Variants in WDFY3 observed in about 807,000 individuals in gnomAD.
WDFY3 encodes WD repeat and FYVE domain containing 3.
In WDFY3, 66 loss-of-function variants were observed where a neutral mutation model predicts 409.6. That is an observed-to-expected ratio of 0.16 (90% CI 0.13 to 0.20). WDFY3 has a LOEUF of 0.20. Among genes scored for constraint, WDFY3 ranks in the 10% least tolerant of loss-of-function variants. The pLI is 1.00. For synonymous variants in WDFY3, 1,521 were observed against 1,537.1 expected (o/e 0.99, Z 0.25); for missense variants, 3,031 against 4,298.1 (o/e 0.71, Z 8.24).
chr4:84,691,682 A>C lies in WDFY3; in HGVS notation c.9153T>G (p.Ala3051=). Residue 3051 remains alanine (A), a synonymous_variant, in exon 60 of 68, where the codon GCT becomes GCG. Coordinates refer to ENST00000295888, the MANE Select transcript of WDFY3 (RefSeq NM_014991.6). ...LIPPTWNKTF[A]WGYADLSCRL... is the part of the protein sequence containing the mutation. ...TGCAACTGAGGTCTGCATAGCCCCAAGCAAAAGTTTTATTCCAGGTTGGTG... is the reference window on the plus strand; with the variant it reads ...TGCAACTGAGGTCTGCATAGCCCCACGCAAAAGTTTTATTCCAGGTTGGTG... 2 of 1,614,146 alleles carry C rather than the reference A, an allele frequency of 1.2e-6. No individual in the cohort carries two copies. The highest frequency in any genetic ancestry group is 1.7e-6 in the Non-Finnish European group (2 of 1,180,020).
At chr4:84,689,710 C>A (rs1728932148) in intron 61 of WDFY3, among the ~76,000 whole-genome samples, 1 of 152,080 alleles carries the variant, frequency 6.6e-6, no homozygotes. Flanking sequence ...GTGTCTTGAC[C>A]ACTCTAACCT....
chr4:84,791,773 G>A (rs115646002), intron 21 of WDFY3, among the ~76,000 whole-genome samples: 49 of 152,212 alleles, frequency 3.2e-4, no homozygotes, highest in Middle Eastern at 3.4e-3. Flanking sequence ...AGACAACTTT[G>A]TCCCACGTAT....
intron 13 of WDFY3, 148 bp from the exon 14 acceptor site, chr4:84,810,492 A>G: frequency 1.6e-6 from 1 of 640,692 alleles, no homozygotes; most frequent in Non-Finnish European, 2.4e-6. Context: ...AAAGCATATC[A>G]AATAGTTTGC....
At chr4:84,690,818 G>A (rs1298128849) in intron 60 of WDFY3, among the ~76,000 whole-genome samples, 154 bp from the exon 61 acceptor site, 4 of 152,168 alleles carry the variant, frequency 2.6e-5, no homozygotes, top group African/African-American at 7.2e-5. Flanking sequence ...CATATCCACT[G>A]AATCTCTACC....
intron 29 of WDFY3, among the ~76,000 whole-genome samples, chr4:84,774,113 T>A (rs1745156787): frequency 6.6e-6 from 1 of 152,240 alleles, no homozygotes; most frequent in South Asian, 2.1e-4. Context: ...TGAGAATAAC[T>A]GAATAAATGG....
chr4:84,860,977 G>A (rs1034435431), intron 3 of WDFY3, among the ~76,000 whole-genome samples: 7 of 152,128 alleles, frequency 4.6e-5, no homozygotes, highest in Non-Finnish European at 8.8e-5. Flanking sequence ...TTTGGAGGCC[G>A]AGGCCGGTGA....
At chr4:84,853,894 A>C (rs1218805495) in intron 4 of WDFY3, among the ~76,000 whole-genome samples, 1 of 152,196 alleles carries the variant, frequency 6.6e-6, no homozygotes, top group Non-Finnish European at 1.5e-5. Flanking sequence ...TCGACTTCCT[A>C]GTATATGTGC....
intron 24 of WDFY3, among the ~76,000 whole-genome samples, chr4:84,785,374 C>T (rs1312065728): frequency 6.6e-6 from 1 of 152,104 alleles, no homozygotes; most frequent in Non-Finnish European, 1.5e-5. Flanking sequence ...CTCCCTATTC[C>T]TGTGGCCTGT....
At chr4:84,908,331 T>C (rs187428423) in intron 2 of WDFY3, among the ~76,000 whole-genome samples, 450 of 152,264 alleles carry the variant, frequency 3.0e-3, no homozygotes, top group South Asian at 6.0e-3. Context: ...GGTAGAAAGA[T>C]AGAACTTTAT....
chr4:84,835,673 C>A (rs999771100), intron 7 of WDFY3, among the ~76,000 whole-genome samples: 3 of 152,172 alleles, frequency 2.0e-5, no homozygotes, highest in African/African-American at 7.2e-5. Flanking sequence ...TCACTAGCAG[C>A]TCTACCAAAC....
chr4:84,713,319 G>T, intron 50 of WDFY3, 80 bp from the exon 51 acceptor site: 2 of 1,322,414 alleles, frequency 1.5e-6, no homozygotes, highest in Non-Finnish European at 2.2e-6. Context: ...AGGACGATTC[G>T]TTTAGATTTT....
At position 84,736,336 on chromosome 4, in the gene WDFY3, A is replaced by G; in HGVS notation, c.6758-9T>C. The G allele has an allele frequency of 6.4e-7, 1 of 1,571,382 alleles. No homozygotes were observed. The highest frequency in any genetic ancestry group is 8.6e-7 in the Non-Finnish European group (1 of 1,163,994). ...GCATTTCTTTTCATGGGCTATTAAAAAATCAAATTAGATTATTTTATAATT... is the reference window on the plus strand; with the variant it reads ...GCATTTCTTTTCATGGGCTATTAAAGAATCAAATTAGATTATTTTATAATT... On this transcript the variant is annotated splice_polypyrimidine_tract_variant and intron_variant, in intron 41 of 67. Transcript: ENST00000295888.
intron 30 of WDFY3, among the ~76,000 whole-genome samples, chr4:84,767,064 A>G (rs929178302): frequency 6.6e-6 from 1 of 152,160 alleles, no homozygotes; most frequent in Non-Finnish European, 1.5e-5. Context: ...TGTTTCTTAC[A>G]AATTAAAGGG....
intron 2 of WDFY3, among the ~76,000 whole-genome samples, chr4:84,915,062 A>G (rs1324680983): frequency 6.6e-6 from 1 of 152,230 alleles, no homozygotes; most frequent in Non-Finnish European, 1.5e-5. Flanking sequence ...TAAGTGAAAA[A>G]AGCCAGACTC....
At chr4:84,796,086 C>T (rs1464123584) in intron 19 of WDFY3, among the ~76,000 whole-genome samples, 2 of 151,674 alleles carry the variant, frequency 1.3e-5, no homozygotes, top group African/African-American at 4.8e-5. Flanking sequence ...TAGATGTTGG[C>T]AGACTTTTTC....
intron 2 of WDFY3, among the ~76,000 whole-genome samples, chr4:84,902,869 T>G (rs904827624): frequency 1.3e-5 from 2 of 152,204 alleles, no homozygotes; most frequent in Non-Finnish European, 2.9e-5. Flanking sequence ...GGATTGGAGA[T>G]AGCATATGTA....
chr4:84,907,393 A>G (rs1401007474), intron 2 of WDFY3, among the ~76,000 whole-genome samples: 1 of 152,158 alleles, frequency 6.6e-6, no homozygotes, highest in African/African-American at 2.4e-5. Flanking sequence ...CCACATTGTG[A>G]AAACACTCCA....
chr4:84,857,197 A>G (rs1305150302), intron 4 of WDFY3, among the ~76,000 whole-genome samples: 1 of 152,156 alleles, frequency 6.6e-6, no homozygotes, highest in Non-Finnish European at 1.5e-5. Flanking sequence ...TTTTGAGAGA[A>G]TTTGTTAATA....
chr4:84,887,516 A>T (rs907454049), intron 3 of WDFY3, among the ~76,000 whole-genome samples: 1 of 152,170 alleles, frequency 6.6e-6, no homozygotes, highest in African/African-American at 2.4e-5. Context: ...GGCTGGAGTT[A>T]ATCCCTAAGG....
Sources: allele counts gnomAD v4.1 joint callset (sites outside exome capture counted in the v4.1 genomes callset), GRCh38; gene constraint gnomAD v4.1.1; transcripts MANE v1.5; gene names NCBI Gene and HGNC (gene_info 2026-07-23, HGNC 2026-07-21).